Variants in TAL2 observed in about 807,000 individuals in gnomAD.
TAL2 encodes the protein TAL bHLH transcription factor 2, also known as T-cell acute lymphocytic leukemia protein 2.
For synonymous variants in TAL2, 48 were observed against 52.4 expected (o/e 0.92, Z 0.36); for missense variants, 114 against 129.6 (o/e 0.88, Z 0.58).
In TAL2 at chr9:105,663,039, G is replaced by A. The variant is rs1004313639; in HGVS notation, c.*216G>A. ...ACCCCCCAGGGATGTCAGGTAGAGCGGCCTACCTCTGCCTATTTTAAATCC... is the reference window on the plus strand; with the variant it reads ...ACCCCCCAGGGATGTCAGGTAGAGCAGCCTACCTCTGCCTATTTTAAATCC... On this transcript the variant is annotated 3_prime_UTR_variant, in exon 1 of 1. Coordinates refer to ENST00000334077, the MANE Select transcript of TAL2 (RefSeq NM_005421.3). 4 of 407,212 alleles carry A rather than the reference G, an allele frequency of 9.8e-6. No individual in the cohort carries two copies. The highest frequency in any genetic ancestry group is 1.4e-4 in the South Asian group (1 of 7,056). 25.2% of individuals were successfully genotyped at this position (407,212 alleles called of 1,614,324 possible).
In TAL2 at chr9:105,662,583, C is replaced by A. The variant is rs1834853871; in HGVS notation, c.87C>A (p.Ile29=). 6.2e-7 allele frequency: 1 copy of A among 1,613,938 alleles called. No homozygotes were observed. The highest frequency in any genetic ancestry group is 1.1e-5 in the South Asian group (1 of 91,030). ...CCTTTGCCAAGCTGAGGAAGCTCAT[C>A]CCCACTCACCCTCCAGACAAAAAGC... ...NSAFAKLRKL[I]PTHPPDKKLS... The change falls in exon 1 of 1, where the codon ATC becomes ATA. Residue 29 remains isoleucine (I), a synonymous_variant. Coordinates refer to ENST00000334077, the MANE Select transcript of TAL2 (RefSeq NM_005421.3).
chr9:105,662,770 C>G lies in TAL2; in HGVS notation c.274C>G (p.Leu92Val), dbSNP rs990204436. Residue 92 changes from leucine to valine, a missense_variant, in exon 1 of 1, where the codon CTG (leucine) becomes GTG (valine). Transcript: ENST00000334077. Reference protein sequence around the residue: ...PHLPGLEDRTLLENYQVPSPG... With the variant: ...PHLPGLEDRTVLENYQVPSPG... ...CCTGCCAGGCCTGGAGGACAGAACTCTGCTTGAGAACTACCAGGTTCCTTC... is the reference window on the plus strand; with the variant it reads ...CCTGCCAGGCCTGGAGGACAGAACTGTGCTTGAGAACTACCAGGTTCCTTC... 6.5e-7 allele frequency: 1 copy of G among 1,545,156 alleles called. No individual in the cohort carries two copies. The highest frequency in any genetic ancestry group is 1.4e-5 in the African/African-American group (1 of 72,526).
Position 105,663,014 on chromosome 9 carries a change from A to AC in TAL2, c.*197dup, listed in dbSNP as rs759502605. ...TGAGGAATGTCACTTGTGGGCCGCC[A>AC]CCCCCCAGGGATGTCAGGTAGAGCG... On this transcript the variant is annotated 3_prime_UTR_variant, in exon 1 of 1. Coordinates refer to ENST00000334077, the MANE Select transcript of TAL2 (RefSeq NM_005421.3). 3.7e-4 allele frequency: 162 copies of AC among 435,778 alleles called. No homozygotes were observed. In the Middle Eastern group the frequency reaches 6.7e-3, roughly 18 times the overall value. The allele number at this position is 435,778 out of a possible 1,614,324, so 27.0% of individuals were successfully genotyped here. A position where few individuals can be genotyped will look rare whatever the true frequency, so the allele number is the denominator to read the frequency against.
At position 105,662,818 on chromosome 9, in the gene TAL2, C is replaced by T. The variant is rs977674598; in HGVS notation, c.322C>T (p.Pro108Ser). Residue 108 changes from proline to serine, a missense_variant, in exon 1 of 1, where the codon CCT becomes TCT. Transcript: ENST00000334077. ...VPSPGPSHHI[P>S] ...TTCACCTGGTCCAAGCCACCACATT[C>T]CTTAGTGTGGCTCTGGCTGTCATCT... 6.7e-7 allele frequency: 1 copy of T among 1,499,260 alleles called. No homozygotes were observed. Among genetic ancestry groups the T allele is most frequent in the African/African-American group, 1.4e-5 (1 of 71,148 alleles). The allele number at this position is 1,499,260 out of a possible 1,614,324, so 92.9% of individuals were successfully genotyped here.
In TAL2 at chr9:105,662,493, A is replaced by G. The variant is rs200631058; in HGVS notation, c.-4A>G. The G allele has an allele frequency of 1.9e-6, 3 of 1,591,532 alleles. No homozygotes were observed. Among genetic ancestry groups the G allele is most frequent in the Non-Finnish European group, 2.6e-6 (3 of 1,171,434 alleles). On this transcript the variant is annotated 5_prime_UTR_variant, in exon 1 of 1. Coordinates refer to ENST00000334077, the MANE Select transcript of TAL2 (RefSeq NM_005421.3). ...CTTTCTCTTTCCATCTCAGGAACTCAAACATGACCAGGAAGATCTTCACAA... is the reference window on the plus strand; with the variant it reads ...CTTTCTCTTTCCATCTCAGGAACTCGAACATGACCAGGAAGATCTTCACAA...
At position 105,662,945 on chromosome 9, in the gene TAL2, T is replaced by C; in HGVS notation, c.*122T>C. The C allele has an allele frequency of 2.5e-6, 2 of 806,412 alleles. No homozygotes were observed. Among genetic ancestry groups the C allele is most frequent in the Non-Finnish European group, 3.5e-6 (2 of 578,756 alleles). The allele number at this position is 806,412 out of a possible 1,614,324, so 50.0% of individuals were successfully genotyped here. ...TCGTGAAGCATGAATTCTAGCTTCCTGGGAGGTGGCTCAGAGACAGCTGCA... is the reference window on the plus strand; with the variant it reads ...TCGTGAAGCATGAATTCTAGCTTCCCGGGAGGTGGCTCAGAGACAGCTGCA... On this transcript the variant is annotated 3_prime_UTR_variant, in exon 1 of 1. Transcript: ENST00000334077.
Position 105,663,080 on chromosome 9 carries a change from C to A in TAL2, c.*257C>A. On this transcript the variant is annotated 3_prime_UTR_variant, in exon 1 of 1. Transcript: ENST00000334077. ...TTTTAAATCCAGGTTCTGCATAAGA[C>A]TTTTGGAGAAAAAATTCTAAATAAA... The A allele has an allele frequency of 2.8e-6, 1 of 357,088 alleles. No homozygotes were observed. 22.1% of individuals were successfully genotyped at this position (357,088 alleles called of 1,614,324 possible).
Position 105,662,674 on chromosome 9 carries a change from G to C in TAL2, c.178G>C (p.Glu60Gln). The change falls in exon 1 of 1, where the codon GAG (glutamate) becomes CAG (glutamine). Residue 60 changes from glutamate (E) to glutamine (Q), a missense_variant. Transcript: ENST00000334077. The stretch of plus-strand genomic sequence containing the variant: ...CAACTTCTTGGTCAAGGTCTTGGGG[G>C]AGCAAAGCCTGCAACAAACGGGAGT... ...YINFLVKVLG[E>Q]QSLQQTGVAA... 6.2e-7 allele frequency: 1 copy of C among 1,613,442 alleles called. No homozygotes were observed.
chr9:105,663,120 G>A lies in TAL2; in HGVS notation c.*297G>A. 1 of 309,036 alleles carries A rather than the reference G, an allele frequency of 3.2e-6. No homozygotes were observed. The allele number at this position is 309,036 out of a possible 1,614,324, so 19.1% of individuals were successfully genotyped here. A position where few individuals can be genotyped will look rare whatever the true frequency, so the allele number is the denominator to read the frequency against. ...TTCTAAATAAAAAAAAAAAAAGGCTGAAAATCACTGTTTATACTCAATGTC... is the reference window on the plus strand; with the variant it reads ...TTCTAAATAAAAAAAAAAAAAGGCTAAAAATCACTGTTTATACTCAATGTC... On this transcript the variant is annotated 3_prime_UTR_variant, in exon 1 of 1. Coordinates refer to ENST00000334077, the MANE Select transcript of TAL2 (RefSeq NM_005421.3).
At position 105,663,103 on chromosome 9, in the gene TAL2, A is replaced by AGT. The variant is rs1491154828; in HGVS notation, c.*280_*281insGT. 14 of 98,034 alleles carry AGT rather than the reference A, an allele frequency of 1.4e-4. No homozygotes were observed. The highest frequency in any genetic ancestry group is 5.2e-4 in the African/African-American group (11 of 21,146). 6.1% of individuals were successfully genotyped at this position (98,034 alleles called of 1,614,324 possible). A position where few individuals can be genotyped will look rare whatever the true frequency, so the allele number is the denominator to read the frequency against. On this transcript the variant is annotated 3_prime_UTR_variant, in exon 1 of 1. Coordinates refer to ENST00000334077, the MANE Select transcript of TAL2 (RefSeq NM_005421.3). ...GACTTTTGGAGAAAAAATTCTAAAT[A>AGT]AAAAAAAAAAAAGGCTGAAAATCAC...
rs763771844 is a variant in TAL2, at chr9:105,663,002, T to C, written c.*179T>C. 1.7e-5 allele frequency: 8 copies of C among 466,766 alleles called. No homozygotes were observed. The highest frequency in any genetic ancestry group is 3.6e-5 in the East Asian group (1 of 28,156). The allele number at this position is 466,766 out of a possible 1,614,324, so 28.9% of individuals were successfully genotyped here. On this transcript the variant is annotated 3_prime_UTR_variant, in exon 1 of 1. Transcript: ENST00000334077. ...TGAAAGAAGCCATGAGGAATGTCAC[T>C]TGTGGGCCGCCACCCCCCAGGGATG...
In TAL2 at chr9:105,662,486, G is replaced by A. The variant is rs1834851870; in HGVS notation, c.-11G>A. 1.3e-6 allele frequency: 2 copies of A among 1,582,530 alleles called. No homozygotes were observed. ...GAGGGCCCTTTCTCTTTCCATCTCA[G>A]GAACTCAAACATGACCAGGAAGATC... On this transcript the variant is annotated 5_prime_UTR_variant, in exon 1 of 1. Coordinates refer to ENST00000334077, the MANE Select transcript of TAL2 (RefSeq NM_005421.3).
In TAL2 at chr9:105,662,761, G is replaced by A. The variant is rs573416391; in HGVS notation, c.265G>A (p.Asp89Asn). The A allele has an allele frequency of 6.4e-7, 1 of 1,560,774 alleles. No homozygotes were observed. Among genetic ancestry groups the A allele is most frequent in the African/African-American group, 1.4e-5 (1 of 73,082 alleles). ...PQGPHLPGLE[D>N]RTLLENYQVP... ...AGGACCCCACCTGCCAGGCCTGGAG[G>A]ACAGAACTCTGCTTGAGAACTACCA... Residue 89 changes from aspartate to asparagine, a missense_variant, in exon 1 of 1, where the codon GAC becomes AAC. By Grantham distance (23) the Asp-to-Asn change is conservative. Coordinates refer to ENST00000334077, the MANE Select transcript of TAL2 (RefSeq NM_005421.3).
Position 105,662,468 on chromosome 9 carries a change from C to T in TAL2, c.-29C>T. 2 of 1,560,374 alleles carry T rather than the reference C, an allele frequency of 1.3e-6. No homozygotes were observed. Among genetic ancestry groups the T allele is most frequent in the Non-Finnish European group, 1.7e-6 (2 of 1,157,060 alleles). On this transcript the variant is annotated 5_prime_UTR_variant, in exon 1 of 1. Coordinates refer to ENST00000334077, the MANE Select transcript of TAL2 (RefSeq NM_005421.3). ...TTATAAGATATTGGCCCTGAGGGCC[C>T]TTTCTCTTTCCATCTCAGGAACTCA...
In TAL2 at chr9:105,662,496, C is replaced by T; in HGVS notation, c.-1C>T. On this transcript the variant is annotated 5_prime_UTR_variant, in exon 1 of 1. Transcript: ENST00000334077. ...TCTCTTTCCATCTCAGGAACTCAAA[C>T]ATGACCAGGAAGATCTTCACAAATA... 15 of 1,594,540 alleles carry T rather than the reference C, an allele frequency of 9.4e-6. No homozygotes were observed. Among genetic ancestry groups the T allele is most frequent in the Non-Finnish European group, 1.3e-5 (15 of 1,172,620 alleles).
chr9:105,662,969 C>A lies in TAL2; in HGVS notation c.*146C>A. 1.6e-6 allele frequency: 1 copy of A among 617,000 alleles called. No homozygotes were observed. Among genetic ancestry groups the A allele is most frequent in the Non-Finnish European group, 2.4e-6 (1 of 409,174 alleles). 38.2% of individuals were successfully genotyped at this position (617,000 alleles called of 1,614,324 possible). On this transcript the variant is annotated 3_prime_UTR_variant, in exon 1 of 1. Coordinates refer to ENST00000334077, the MANE Select transcript of TAL2 (RefSeq NM_005421.3). ...CTGGGAGGTGGCTCAGAGACAGCTG[C>A]AGGGAGCTGAAAGAAGCCATGAGGA... is the stretch of plus-strand genomic sequence containing the variant.
In TAL2 at chr9:105,662,698, G is replaced by A. The variant is rs536221541; in HGVS notation, c.202G>A (p.Val68Met). Residue 68 changes from valine to methionine, a missense_variant, in exon 1 of 1, where the codon GTG (valine) becomes ATG (methionine). By Grantham distance (21) the Val-to-Met change is conservative. Transcript: ENST00000334077. Reference protein sequence around the residue: ...LGEQSLQQTGVAAQGNILGLF... With the variant: ...LGEQSLQQTGMAAQGNILGLF... ...GGAGCAAAGCCTGCAACAAACGGGA[G>A]TGGCTGCTCAGGGGAACATTCTGGG... is the stretch of plus-strand genomic sequence containing the variant. 32 of 1,612,578 alleles carry A rather than the reference G, an allele frequency of 2.0e-5. No individual in the cohort carries two copies. The African/African-American group carries it at 3.9e-4, about 19-fold the overall frequency.
At position 105,662,642 on chromosome 9, in the gene TAL2, G is replaced by C; in HGVS notation, c.146G>C (p.Arg49Thr). 1 of 1,614,014 alleles carries C rather than the reference G, an allele frequency of 6.2e-7. No homozygotes were observed. Among genetic ancestry groups the C allele is most frequent in the Non-Finnish European group, 8.5e-7 (1 of 1,179,980 alleles). Residue 49 changes from arginine to threonine, a missense_variant, in exon 1 of 1, where the codon AGG becomes ACG. Physicochemically the swap from Arg to Thr is moderately conservative, Grantham distance 71. Transcript: ENST00000334077. Reference protein sequence around the residue: ...SKNETLRLAMRYINFLVKVLG... With the variant: ...SKNETLRLAMTYINFLVKVLG... ...AATGAAACGCTTCGCCTGGCAATGA[G>C]GTATATCAACTTCTTGGTCAAGGTC...
In TAL2 at chr9:105,663,021, A is replaced by C; in HGVS notation, c.*198A>C. The stretch of plus-strand genomic sequence containing the variant: ...TGTCACTTGTGGGCCGCCACCCCCC[A>C]GGGATGTCAGGTAGAGCGGCCTACC... On this transcript the variant is annotated 3_prime_UTR_variant, in exon 1 of 1. Transcript: ENST00000334077. 1 of 422,312 alleles carries C rather than the reference A, an allele frequency of 2.4e-6. No homozygotes were observed. Among genetic ancestry groups the C allele is most frequent in the Non-Finnish European group, 4.2e-6 (1 of 236,430 alleles). 26.2% of individuals were successfully genotyped at this position (422,312 alleles called of 1,614,324 possible).
Sources: allele counts gnomAD v4.1 joint callset, GRCh38; gene constraint gnomAD v4.1.1; transcripts MANE v1.5; gene names NCBI Gene and HGNC (gene_info 2026-07-23, HGNC 2026-07-21).